Variants in SLC35A5 observed in about 807,000 individuals in gnomAD.
The protein encoded by SLC35A5 is solute carrier family 35 member A5.
In SLC35A5, 28 loss-of-function variants were observed where a neutral mutation model predicts 36.3. The ratio of observed to expected loss-of-function variants is 0.77; its 90% confidence interval spans 0.57 to 1.06. The LOEUF is 1.06. SLC35A5 is among the 50% of genes least tolerant of loss of function. The pLI, the probability that SLC35A5 is intolerant of heterozygous loss-of-function variation, is 0.00. For synonymous variants in SLC35A5, 180 were observed against 173.7 expected, an observed-to-expected ratio of 1.04 and a Z score of -0.29; for missense variants, 521 against 499.3, an observed-to-expected ratio of 1.04 and a Z score of -0.41.
At chr3:112,570,327 C>A in intron 3 of SLC35A5, 1 of 370,800 alleles carries the variant, frequency 2.7e-6, no homozygotes, top group Non-Finnish European at 4.8e-6. Context: ...CTTCTGTTAT[C>A]TCAAATTAAC....
chr3:112,564,124 A>G (rs906508780), intron 2 of SLC35A5: 2 of 152,156 alleles, frequency 1.3e-5, no homozygotes, highest in African/African-American at 2.4e-5. Context: ...GTTTCTCGTT[A>G]GGTGGAACGA....
rs963093898 is a variant in SLC35A5, at chr3:112,584,267, G to A, written c.*1531G>A. On this transcript the variant is annotated 3_prime_UTR_variant, in exon 7 of 7. Transcript: ENST00000492406. ...ACTTTTAAAACTTTCTCTTTAAGTA[G>A]ATCTTTACTTCTAACAATAACAAAG... The A allele has an allele frequency of 6.6e-6, 1 of 152,074 alleles. No homozygotes were observed. The highest frequency in any genetic ancestry group is 1.5e-5 in the Non-Finnish European group (1 of 68,006). 9.4% of individuals were successfully genotyped at this position (152,074 alleles called of 1,614,324 possible).
chr3:112,568,026 T>A (rs1383542002), intron 2 of SLC35A5, among the ~76,000 whole-genome samples: 2 of 152,206 alleles, frequency 1.3e-5, no homozygotes, highest in African/African-American at 4.8e-5. Context: ...ATATTTAAAT[T>A]CAGGTGAACA....
intron 5 of SLC35A5, among the ~76,000 whole-genome samples, chr3:112,574,713 G>A (rs1934595306): frequency 6.6e-6 from 1 of 151,776 alleles, no homozygotes; most frequent in Admixed American, 6.6e-5. Flanking sequence ...TTGATTCTCA[G>A]TGTGCTGTGT....
At chr3:112,575,502 T>C (rs1317675393) in intron 5 of SLC35A5, among the ~76,000 whole-genome samples, 1 of 152,066 alleles carries the variant, frequency 6.6e-6, no homozygotes, top group Non-Finnish European at 1.5e-5. Flanking sequence ...ATTTATACTA[T>C]ACATTTTAAA....
chr3:112,568,533 A>T (rs1347564701), intron 2 of SLC35A5, among the ~76,000 whole-genome samples: 1 of 152,238 alleles, frequency 6.6e-6, no homozygotes, highest in Non-Finnish European at 1.5e-5. Flanking sequence ...TTTCCAACTC[A>T]TCAGTGGGTT....
chr3:112,561,893 C>T (rs1444864807), upstream of SLC35A5: 1 of 254,716 alleles, frequency 3.9e-6, no homozygotes, highest in Non-Finnish European at 7.6e-6. Context: ...TCACTCGCGC[C>T]CCTTCCGGCT....
intron 6 of SLC35A5, among the ~76,000 whole-genome samples, chr3:112,581,839 T>C (rs1456927099): frequency 6.6e-6 from 1 of 151,028 alleles, no homozygotes; most frequent in Non-Finnish European, 1.5e-5. Flanking sequence ...TAAGCCAGTA[T>C]GCCAGAAGGG....
rs1330580751 is a variant in SLC35A5, at chr3:112,581,100, A to T, written c.983A>T (p.Asp328Val). 6.2e-7 allele frequency: 1 copy of T among 1,614,010 alleles called. No individual in the cohort carries two copies. Among genetic ancestry groups the T allele is most frequent in the South Asian group, 1.1e-5 (1 of 91,078 alleles). The change falls in exon 6 of 7, where the codon GAT becomes GTT. Residue 328 changes from aspartate to valine, a missense_variant. By Grantham distance (152) the Asp-to-Val change is radical. Coordinates refer to ENST00000492406, the MANE Select transcript of SLC35A5 (RefSeq NM_017945.5). ...LSVAFILKFL[D>V]NMFHVLMAQV... ...GTGGCTTTCATTCTGAAGTTCCTGG[A>T]TAACATGTTCCATGTCTTGATGGCC...
At chr3:112,573,848 A>G (rs1341029065) in intron 4 of SLC35A5, 41 bp from the exon 5 acceptor site, 1 of 1,527,658 alleles carries the variant, frequency 6.5e-7, no homozygotes, top group Non-Finnish European at 9.1e-7. Flanking sequence ...TGAGGTCAGT[A>G]CTTCATTTGG....
At chr3:112,564,426 A>G (rs1196372939) in intron 2 of SLC35A5, 1 of 152,288 alleles carries the variant, frequency 6.6e-6, no homozygotes, top group African/African-American at 2.4e-5. Flanking sequence ...AATGCCTTAA[A>G]GAGCAGTATT....
intron 4 of SLC35A5, among the ~76,000 whole-genome samples, chr3:112,572,607 C>G (rs1934495786): frequency 6.6e-6 from 1 of 152,158 alleles, no homozygotes; most frequent in African/African-American, 2.4e-5. Context: ...TTTCTTCCAG[C>G]TTATTGTTTT....
At chr3:112,573,215 C>T (rs1230011928) in intron 4 of SLC35A5, among the ~76,000 whole-genome samples, 1 of 152,072 alleles carries the variant, frequency 6.6e-6, no homozygotes, top group African/African-American at 2.4e-5. Flanking sequence ...TAACTATTGT[C>T]AGATCTAATT....
chr3:112,572,062 CCTCCCGAGTAGCTG>C (rs1934469504), intron 4 of SLC35A5, among the ~76,000 whole-genome samples: 1 of 150,252 alleles, frequency 6.7e-6, no homozygotes, highest in African/African-American at 2.4e-5. Flanking sequence ...CCTGCCTCAG[CCTCCCGAGTAGCTG>C]GGACTACAGG....
intron 1 of SLC35A5, 99 bp downstream of exon 1, chr3:112,562,372 C>T (rs1576737209): frequency 6.6e-6 from 1 of 152,302 alleles, no homozygotes; most frequent in African/African-American, 2.4e-5. Context: ...AGGGTAGTCC[C>T]TGACTGTGAA....
At position 112,580,930 on chromosome 3, in the gene SLC35A5, C is replaced by CT. The variant is rs865774163; in HGVS notation, c.814dup (p.Tyr272LeufsTer8). On this transcript the variant is annotated frameshift_variant, in exon 6 of 7. Transcript: ENST00000492406. LOFTEE classifies it high-confidence loss of function. ...GCATCTTCATACAGAACAGCAAACTCTATTTCTTTGGCATTCTGTTTAATG... is the reference window on the plus strand; with the variant it reads ...GCATCTTCATACAGAACAGCAAACTCTTATTTCTTTGGCATTCTGTTTAATG... 5.6e-6 allele frequency: 9 copies of CT among 1,614,040 alleles called. No individual in the cohort carries two copies. The African/African-American group carries it at 1.2e-4, about 22-fold the overall frequency.
At chr3:112,561,656 G>T, upstream of SLC35A5, 1 of 955,228 alleles carries the variant, frequency 1.0e-6, no homozygotes, top group Non-Finnish European at 1.5e-6. Context: ...GCACCCGAGG[G>T]GACGGGACGC....
chr3:112,565,899 T>C (rs1268021393), intron 2 of SLC35A5, among the ~76,000 whole-genome samples: 1 of 152,190 alleles, frequency 6.6e-6, no homozygotes, highest in Admixed American at 6.5e-5. Context: ...GACCTTAGTC[T>C]CTAGGCCAGT....
chr3:112,565,417 G>T (rs917654653), intron 2 of SLC35A5, among the ~76,000 whole-genome samples: 1 of 152,140 alleles, frequency 6.6e-6, no homozygotes, highest in Non-Finnish European at 1.5e-5. Context: ...CCTGTAAAAG[G>T]GAACAGAGGC....
Sources: allele counts gnomAD v4.1 joint callset (sites outside exome capture counted in the v4.1 genomes callset), GRCh38; gene constraint gnomAD v4.1.1; transcripts MANE v1.5; gene names NCBI Gene and HGNC (gene_info 2026-07-23, HGNC 2026-07-21).